The following FREM1 variants were observed in gnomAD, a reference collection of about 807,000 sequenced individuals.
The protein encoded by FREM1 is FRAS1 related extracellular matrix 1, also known as FRAS1-related extracellular matrix protein 1.
Under a neutral mutation model 210.1 loss-of-function variants are expected in FREM1, and 220 were observed. The observed-to-expected ratio is 1.05, with a 90% CI of 0.94 to 1.17. FREM1 has a LOEUF of 1.17. FREM1 is among the 50% of genes most tolerant of loss of function. The pLI, the probability that FREM1 is intolerant of heterozygous loss-of-function variation, is 0.00. For synonymous variants in FREM1, 1,189 were observed against 980.2 expected (o/e 1.21, Z -3.98); for missense variants, 3,454 against 2,675.5 (o/e 1.29, Z -6.42).
At chr9:14,896,500 G>T (rs1029939605) in intron 1 of FREM1, among the ~76,000 whole-genome samples, 1 of 139,288 alleles carries the variant, frequency 7.2e-6, no homozygotes, top group Admixed American at 8.0e-5. Flanking sequence ...AGCTGAGATC[G>T]CACCACTGCA....
intron 5 of FREM1, among the ~76,000 whole-genome samples, chr9:14,854,065 A>G (rs1418070387): frequency 6.6e-6 from 1 of 152,218 alleles, no homozygotes; most frequent in African/African-American, 2.4e-5. Context: ...CAATTGGATC[A>G]GTTATCATCA....
intron 25 of FREM1, among the ~76,000 whole-genome samples, chr9:14,775,177 A>T (rs1848333244): frequency 6.6e-6 from 1 of 152,186 alleles, no homozygotes; most frequent in Non-Finnish European, 1.5e-5. Flanking sequence ...GTAGATTCAG[A>T]AGAGTTAAAG....
rs922481365 is a variant in FREM1 at position 14,747,526 on chromosome 9, G to C, written c.5845-98C>G. On this transcript the variant is annotated intron_variant, in intron 32 of 36. Transcript: ENST00000380880. Reference sequence around the variant, plus strand: ...TTCAAAAATTCAGTCAAAGCAAAAAGATAAGAGGATTTGTTTCTCTGAACA... The same window carrying C: ...TTCAAAAATTCAGTCAAAGCAAAAACATAAGAGGATTTGTTTCTCTGAACA... 4 of 1,265,106 alleles carry C rather than the reference G, an allele frequency of 3.2e-6. No homozygotes were observed. The South Asian group carries it at 4.6e-5, about 14-fold the overall frequency. The allele number at this position is 1,265,106 out of a possible 1,614,324, so 78.4% of individuals were successfully genotyped here. A position where few individuals can be genotyped will look rare whatever the true frequency, so the allele number is the denominator to read the frequency against.
intron 27 of FREM1, among the ~76,000 whole-genome samples, chr9:14,767,368 G>A (rs964397408): frequency 2.0e-5 from 3 of 152,084 alleles, no homozygotes; most frequent in African/African-American, 7.2e-5. Context: ...TTCCCTTCAG[G>A]CCAGATTAGC....
At chr9:14,856,125 T>G (rs1828688060) in intron 5 of FREM1, among the ~76,000 whole-genome samples, 2 of 152,168 alleles carry the variant, frequency 1.3e-5, no homozygotes, top group Non-Finnish European at 2.9e-5. Context: ...TGCTACTATG[T>G]GCCAGGTTTT....
At chr9:14,892,444 C>A (rs566369580) in intron 1 of FREM1, among the ~76,000 whole-genome samples, 1 of 152,026 alleles carries the variant, frequency 6.6e-6, no homozygotes. Flanking sequence ...AAGGCAAGGA[C>A]GCTTGACCGA....
intron 36 of FREM1, among the ~76,000 whole-genome samples, chr9:14,738,052 C>T (rs939245517): frequency 1.2e-4 from 18 of 152,116 alleles, no homozygotes; most frequent in Non-Finnish European, 2.2e-4. Context: ...ATTTAAATGT[C>T]CTGGTTTTCA....
At chr9:14,867,209 C>A (rs536557662) in intron 2 of FREM1, among the ~76,000 whole-genome samples, 1 of 152,238 alleles carries the variant, frequency 6.6e-6, no homozygotes, top group South Asian at 2.1e-4. Context: ...CTATCACCCA[C>A]TCCTGAGCTT....
chr9:14,754,836 A>C (rs1844006256), intron 29 of FREM1, among the ~76,000 whole-genome samples: 2 of 152,182 alleles, frequency 1.3e-5, no homozygotes, highest in African/African-American at 4.8e-5. Context: ...TGGGAGGCCA[A>C]GGCAGGATAA....
intron 10 of FREM1, among the ~76,000 whole-genome samples, chr9:14,840,147 A>AT (rs2131168449): frequency 6.6e-6 from 1 of 152,336 alleles, no homozygotes; most frequent in East Asian, 1.9e-4. Context: ...TCAATCATCT[A>AT]TGCATTAGCT....
chr9:14,806,412 C>T (rs752431369), intron 18 of FREM1, among the ~76,000 whole-genome samples: 8 of 152,124 alleles, frequency 5.3e-5, no homozygotes, highest in Non-Finnish European at 1.2e-4. Context: ...TATGCCACCA[C>T]ACCTGGCTAA....
At chr9:14,909,697 T>C (rs1369878659) in intron 1 of FREM1, among the ~76,000 whole-genome samples, 1 of 152,220 alleles carries the variant, frequency 6.6e-6, no homozygotes, top group Non-Finnish European at 1.5e-5. Flanking sequence ...TTGTGTCACG[T>C]AATAAAAAGA....
chr9:14,752,266 T>C (rs1378850301), intron 29 of FREM1, among the ~76,000 whole-genome samples: 2 of 152,004 alleles, frequency 1.3e-5, no homozygotes, highest in South Asian at 2.1e-4. Context: ...AGAGCCTATA[T>C]AAATGTGGGC....
chr9:14,817,666 T>C (rs1820545393), intron 14 of FREM1, among the ~76,000 whole-genome samples: 1 of 152,242 alleles, frequency 6.6e-6, no homozygotes, highest in Admixed American at 6.5e-5. Context: ...AAAAATAATA[T>C]AATATATTGA....
chr9:14,824,978 A>G lies in FREM1; in HGVS notation c.1896T>C (p.His632=), dbSNP rs1010113891. The part of the protein sequence containing the change: ...NLSVPQVATI[H]ITPVDDQLPK... ...GAAGCTGGTCATCCACTGGAGTTATATGGATTGTTGCCACCTGGAATAAAA... is the reference window on the plus strand; with the variant it reads ...GAAGCTGGTCATCCACTGGAGTTATGTGGATTGTTGCCACCTGGAATAAAA... The change falls in exon 11 of 37, where the codon CAT becomes CAC. Residue 632 remains histidine, a synonymous_variant. Transcript: ENST00000380880. The G allele has an allele frequency of 2.5e-6, 4 of 1,583,320 alleles. No individual in the cohort carries two copies. Among genetic ancestry groups the G allele is most frequent in the Non-Finnish European group, 3.4e-6 (4 of 1,172,400 alleles).
chr9:14,903,478 G>C (rs1015198905), intron 1 of FREM1, among the ~76,000 whole-genome samples: 8 of 152,142 alleles, frequency 5.3e-5, no homozygotes, highest in Non-Finnish European at 7.4e-5. Context: ...TGCCTGGAAT[G>C]TCTTTGCTTC....
chr9:14,835,429 T>G (rs748131209), intron 10 of FREM1, among the ~76,000 whole-genome samples: 4 of 152,206 alleles, frequency 2.6e-5, no homozygotes, highest in Non-Finnish European at 5.9e-5. Context: ...GGTTATTTTA[T>G]CAAGGCTTTG....
intron 24 of FREM1, chr9:14,779,416 G>C (rs1009142935): frequency 1.2e-6 from 1 of 825,544 alleles, no homozygotes; most frequent in Non-Finnish European, 1.5e-6. Flanking sequence ...GAAGAAGAAA[G>C]AAGGGGAGAG....
intron 25 of FREM1, among the ~76,000 whole-genome samples, chr9:14,771,193 G>A (rs1847504650): frequency 6.6e-6 from 1 of 152,114 alleles, no homozygotes; most frequent in African/African-American, 2.4e-5. Flanking sequence ...ATTGACCCAA[G>A]AATTCTAGAG....
Sources: gnomAD v4.1 joint callset for allele counts (sites outside exome capture counted in the v4.1 genomes callset) on GRCh38, gnomAD v4.1.1 for gene constraint, MANE v1.5 for transcripts, NCBI Gene and HGNC (gene_info 2026-07-23, HGNC 2026-07-21) for gene names.